Variants in FRMD4B observed in about 807,000 individuals in gnomAD.
FRMD4B encodes the protein FERM domain containing 4B.
In FRMD4B, 74 loss-of-function variants were observed where a neutral mutation model predicts 141.5. That is an observed-to-expected ratio of 0.52 (90% CI 0.43 to 0.63). The LOEUF is 0.63. Among genes scored for constraint, FRMD4B ranks in the 30% least tolerant of loss-of-function variants. The pLI is 0.00. For synonymous variants in FRMD4B, 506 were observed against 467.9 expected (o/e 1.08, Z -1.05); for missense variants, 1,366 against 1,253.4 (o/e 1.09, Z -1.36).
At chr3:69,193,974 G>T (rs2092870616) in intron 16 of FRMD4B, 101 bp from the exon 17 acceptor site, 3 of 711,704 alleles carry the variant, frequency 4.2e-6, no homozygotes, top group Non-Finnish European at 7.0e-6. Flanking sequence ...TGAATCAGAC[G>T]TTCTTTGAGA....
At chr3:69,528,134 C>T (rs576027135) in intron 1 of FRMD4B, among the ~76,000 whole-genome samples, 19 of 152,294 alleles carry the variant, frequency 1.2e-4, no homozygotes, top group African/African-American at 4.6e-4. Flanking sequence ...GGACAAATAT[C>T]TCTCTGCCCA....
chr3:69,170,930 T>C lies in FRMD4B; in HGVS notation c.*931A>G, dbSNP rs990166888. The C allele has an allele frequency of 2.0e-5, 3 of 152,174 alleles. No homozygotes were observed. The highest frequency in any genetic ancestry group is 4.4e-5 in the Non-Finnish European group (3 of 68,038). The allele number at this position is 152,174 out of a possible 1,614,324, so 9.4% of individuals were successfully genotyped here. ...GGCACGCAATTCATCTAAAATGACG[T>C]GGCTTTTTTTTTCTGTTGTTTTGGA... On this transcript the variant is annotated 3_prime_UTR_variant, in exon 23 of 23. Coordinates refer to ENST00000398540, the MANE Select transcript of FRMD4B (RefSeq NM_015123.3).
At chr3:69,215,178 C>G (rs988092305) in intron 11 of FRMD4B, among the ~76,000 whole-genome samples, 4 of 149,850 alleles carry the variant, frequency 2.7e-5, no homozygotes, top group Non-Finnish European at 5.9e-5. Flanking sequence ...CCGCACCCAG[C>G]TAATAATGAA....
At chr3:69,426,916 G>A (rs1240890330) in intron 2 of FRMD4B, among the ~76,000 whole-genome samples, 4 of 152,142 alleles carry the variant, frequency 2.6e-5, no homozygotes, top group Non-Finnish European at 5.9e-5. Flanking sequence ...ACAGAGCTTG[G>A]TAGATTTGCT....
chr3:69,356,035 G>GAA lies in FRMD4B; in HGVS notation c.162+29791_162+29792dup, dbSNP rs33976252. Reference sequence around the variant, plus strand: ...GCAAGCAAGATTCCATCTCAAAAAAGAAAAAAAATTAGGAAACAGGATCCC... The same window carrying GAA: ...GCAAGCAAGATTCCATCTCAAAAAAGAAAAAAAAAATTAGGAAACAGGATCCC... On this transcript the variant is annotated intron_variant, in intron 1 of 22. Coordinates refer to ENST00000398540, the MANE Select transcript of FRMD4B (RefSeq NM_015123.3). 6.5e-3 allele frequency among the ~76,000 whole-genome samples: 994 copies of GAA among 152,034 alleles called. 13 individuals are homozygous for GAA. The highest frequency in any genetic ancestry group is 0.023 in the African/African-American group (961 of 41,452).
In FRMD4B at chr3:69,171,754, T is replaced by C. The variant is rs758262041; in HGVS notation, c.*107A>G. 2.6e-5 allele frequency: 28 copies of C among 1,069,872 alleles called. No homozygotes were observed. The highest frequency in any genetic ancestry group is 8.6e-5 in the South Asian group (6 of 69,642). The allele number at this position is 1,069,872 out of a possible 1,614,324, so 66.3% of individuals were successfully genotyped here. On this transcript the variant is annotated 3_prime_UTR_variant, in exon 23 of 23. Coordinates refer to ENST00000398540, the MANE Select transcript of FRMD4B (RefSeq NM_015123.3). ...GCAACTAAGTCTTCTCTTCAACCTT[T>C]GATGTCTTTAGGTTTCTAAAACGAA...
At chr3:69,377,377 G>T (rs776673939) in intron 1 of FRMD4B, among the ~76,000 whole-genome samples, 1 of 152,164 alleles carries the variant, frequency 6.6e-6, no homozygotes, top group African/African-American at 2.4e-5. Context: ...CTCTCTGAAG[G>T]CTGGCTGTGT....
chr3:69,189,373 A>C (rs2092811160), intron 18 of FRMD4B, among the ~76,000 whole-genome samples: 1 of 152,196 alleles, frequency 6.6e-6, no homozygotes, highest in Admixed American at 6.5e-5. Flanking sequence ...TAAATAAAAT[A>C]AACTTTCCTT....
At chr3:69,512,295 A>G (rs1429450641) in intron 1 of FRMD4B, among the ~76,000 whole-genome samples, 1 of 152,182 alleles carries the variant, frequency 6.6e-6, no homozygotes, top group Non-Finnish European at 1.5e-5. Flanking sequence ...TTTGGTTTTA[A>G]TATCTTAATA....
At chr3:69,239,110 G>A (rs908005999) in intron 7 of FRMD4B, among the ~76,000 whole-genome samples, 1 of 152,192 alleles carries the variant, frequency 6.6e-6, no homozygotes, top group Non-Finnish European at 1.5e-5. Flanking sequence ...CAAGTTCCGA[G>A]TTGTGAGCAG....
intron 1 of FRMD4B, among the ~76,000 whole-genome samples, chr3:69,331,390 C>A (rs1702366642): frequency 6.6e-6 from 1 of 152,226 alleles, no homozygotes; most frequent in Non-Finnish European, 1.5e-5. Flanking sequence ...GGTATGATAT[C>A]TGATGCTGGC....
At chr3:69,296,190 C>G (rs1701029181) in intron 4 of FRMD4B, among the ~76,000 whole-genome samples, 1 of 152,074 alleles carries the variant, frequency 6.6e-6, no homozygotes, top group Non-Finnish European at 1.5e-5. Context: ...CACACACAGA[C>G]AGACAAACGC....
At chr3:69,194,781 C>A (rs2092880555) in intron 16 of FRMD4B, among the ~76,000 whole-genome samples, 1 of 152,146 alleles carries the variant, frequency 6.6e-6, no homozygotes, top group Non-Finnish European at 1.5e-5. Context: ...TGCTGACTCT[C>A]AAATGAGAAA....
At chr3:69,440,169 T>A (rs1705322070) in intron 1 of FRMD4B, among the ~76,000 whole-genome samples, 1 of 152,222 alleles carries the variant, frequency 6.6e-6, no homozygotes, top group South Asian at 2.1e-4. Context: ...TCTCCCCATC[T>A]AAAGGTTTTA....
At chr3:69,455,674 C>T (rs751743448) in intron 1 of FRMD4B, among the ~76,000 whole-genome samples, 6 of 152,216 alleles carry the variant, frequency 3.9e-5, no homozygotes, top group Non-Finnish European at 8.8e-5. Context: ...ACCAAAAACC[C>T]ACCAATTTTG....
Position 69,219,205 on chromosome 3 carries a change from C to T in FRMD4B, c.732-826G>A, listed in dbSNP as rs573117520. 3.3e-4 allele frequency among the ~76,000 whole-genome samples: 49 copies of T among 149,820 alleles called. No individual in the cohort carries two copies. In the East Asian group the frequency reaches 6.8e-3, roughly 21 times the overall value. ...CCCCCCAAAATAAAAATTAAAGCAACGATGCCACTACTTGCTATTTTTAAT... is the reference window on the plus strand; with the variant it reads ...CCCCCCAAAATAAAAATTAAAGCAATGATGCCACTACTTGCTATTTTTAAT... On this transcript the variant is annotated intron_variant, in intron 9 of 22. Transcript: ENST00000398540.
intron 1 of FRMD4B, among the ~76,000 whole-genome samples, chr3:69,475,476 G>A (rs1457003858): frequency 6.6e-6 from 1 of 151,338 alleles, no homozygotes; most frequent in African/African-American, 2.4e-5. Flanking sequence ...TTGTTCTTAC[G>A]ATAGTTTACT....
At chr3:69,429,826 C>A (rs1412051880) in intron 2 of FRMD4B, among the ~76,000 whole-genome samples, 1 of 140,250 alleles carries the variant, frequency 7.1e-6, no homozygotes, top group Admixed American at 7.9e-5. Flanking sequence ...GTGGCATGAT[C>A]TCTGCTCACT....
intron 3 of FRMD4B, chr3:69,310,577 CACACAGAGAGAG>C (rs1701548325): frequency 4.7e-5 from 11 of 231,812 alleles, no homozygotes; most frequent in South Asian, 2.2e-4. Flanking sequence ...CACACACACA[CACACAGAGAGAG>C]AGAGAGAGAG....
Sources: gnomAD v4.1 joint callset for allele counts (sites outside exome capture counted in the v4.1 genomes callset) on GRCh38, gnomAD v4.1.1 for gene constraint, MANE v1.5 for transcripts, NCBI Gene and HGNC (gene_info 2026-07-23, HGNC 2026-07-21) for gene names.